The following ATE1 variants were observed in gnomAD, a reference collection of about 807,000 sequenced individuals.
ATE1 encodes arginyltransferase 1.
ATE1 carries 36 observed loss-of-function variants against 70.5 expected under a neutral mutation model. The observed-to-expected ratio is 0.51, with a 90% CI of 0.39 to 0.67. ATE1 has a LOEUF of 0.67. ATE1 is among the 30% of genes least tolerant of loss of function. ATE1 has a pLI of 0.00. For missense variants in ATE1, 593 were observed against 629.5 expected, an observed-to-expected ratio of 0.94 and a Z score of 0.62; for synonymous variants, 232 against 219.3, an observed-to-expected ratio of 1.06 and a Z score of -0.51.
intron 8 of ATE1, among the ~76,000 whole-genome samples, chr10:121,853,920 CA>C (rs1218283102): frequency 6.6e-6 from 1 of 152,204 alleles, no homozygotes; most frequent in Non-Finnish European, 1.5e-5. Flanking sequence ...TAGCTCCCTT[CA>C]ACCACTTTTA....
intron 7 of ATE1, among the ~76,000 whole-genome samples, chr10:121,874,026 C>CT (rs1564916045): frequency 1.3e-5 from 2 of 152,106 alleles, no homozygotes; most frequent in Non-Finnish European, 2.9e-5. Flanking sequence ...ATTTCCTGGG[C>CT]TTTTCACTTA....
chr10:121,921,696 C>A (rs374838362), intron 3 of ATE1, among the ~76,000 whole-genome samples: 3 of 152,214 alleles, frequency 2.0e-5, no homozygotes, highest in Non-Finnish European at 4.4e-5. Flanking sequence ...TGCTTGGCAA[C>A]GGTCATGTGC....
At chr10:121,793,906 G>A (rs1946552452) in intron 10 of ATE1, among the ~76,000 whole-genome samples, 1 of 152,170 alleles carries the variant, frequency 6.6e-6, no homozygotes, top group South Asian at 2.1e-4. Context: ...GGTTATGAAA[G>A]CATACTTTCA....
At chr10:121,799,758 A>G (rs1465768195) in intron 10 of ATE1, among the ~76,000 whole-genome samples, 1 of 152,254 alleles carries the variant, frequency 6.6e-6, no homozygotes, top group Admixed American at 6.5e-5. Flanking sequence ...CTGGAGAAAT[A>G]TTATAAAACT....
intron 10 of ATE1, among the ~76,000 whole-genome samples, chr10:121,810,676 T>C (rs7913185): frequency 0.73 from 111,596 of 152,042 alleles, 41,447 homozygotes; most frequent in Non-Finnish European, 0.78. Flanking sequence ...TCTCTCCATT[T>C]AGTATATAAC....
chr10:121,755,886 G>A (rs972194891), intron 11 of ATE1, among the ~76,000 whole-genome samples: 10 of 152,060 alleles, frequency 6.6e-5, no homozygotes, highest in Middle Eastern at 6.3e-3. Flanking sequence ...ATATCATTCC[G>A]CCTCTGGCTT....
intron 8 of ATE1, among the ~76,000 whole-genome samples, chr10:121,866,945 C>T (rs895853872): frequency 2.6e-5 from 4 of 151,868 alleles, no homozygotes; most frequent in South Asian, 2.1e-4. Flanking sequence ...TGAGAGCATC[C>T]GAAGATTACA....
chr10:121,892,466 G>C (rs1950611416), intron 7 of ATE1, among the ~76,000 whole-genome samples: 2 of 151,886 alleles, frequency 1.3e-5, no homozygotes, highest in African/African-American at 4.8e-5. Context: ...AGAGATACGG[G>C]GAAGTTTGGG....
rs369462212 is a variant in ATE1 at position 121,803,484 on chromosome 10, T to C, written c.1258-13195A>G. On this transcript the variant is annotated intron_variant, in intron 10 of 11. Transcript: ENST00000224652. ...TTCCCAACCTAAAATCAGAAATAAGTATGAACACCTAAATTGTGTCAGCAA... is the reference window on the plus strand; with the variant it reads ...TTCCCAACCTAAAATCAGAAATAAGCATGAACACCTAAATTGTGTCAGCAA... Among the ~76,000 whole-genome samples the C allele has an allele frequency of 1.5e-3, 236 of 152,352 alleles. 2 individuals are homozygous for C. Among genetic ancestry groups the C allele is most frequent in the African/African-American group, 5.2e-3 (218 of 41,588 alleles).
In ATE1 at chr10:121,817,117, G is replaced by A. The variant is rs373577948; in HGVS notation, c.1257+19601C>T. Among the ~76,000 whole-genome samples the A allele has an allele frequency of 3.9e-5, 6 of 152,176 alleles. No homozygotes were observed. In the East Asian group the frequency reaches 5.8e-4, roughly 15 times the overall value. On this transcript the variant is annotated intron_variant, in intron 10 of 11. Transcript: ENST00000224652. ...CTATCCTGTAGAAGTGTCAAACAATGCCACTTTATTTGATGTAGATATGCA... is the reference window on the plus strand; with the variant it reads ...CTATCCTGTAGAAGTGTCAAACAATACCACTTTATTTGATGTAGATATGCA...
rs1283136513 is a variant in ATE1, at chr10:121,743,197, G to T, written c.*483C>A. On this transcript the variant is annotated 3_prime_UTR_variant, in exon 12 of 12. Coordinates refer to ENST00000224652, the MANE Select transcript of ATE1 (RefSeq NM_001001976.3). ...TCACATTGAACACTGAGTTGTAACA[G>T]CACAGTTTTGTTCTTGAGAAGACAT... is the stretch of plus-strand genomic sequence containing the variant. The T allele has an allele frequency of 6.5e-6, 1 of 152,952 alleles. No individual in the cohort carries two copies. The highest frequency in any genetic ancestry group is 1.5e-5 in the Non-Finnish European group (1 of 68,576). 9.5% of individuals were successfully genotyped at this position (152,952 alleles called of 1,614,324 possible).
chr10:121,796,734 A>G lies in ATE1; in HGVS notation c.1258-6445T>C, dbSNP rs183706417. 5.5e-3 allele frequency among the ~76,000 whole-genome samples: 834 copies of G among 152,344 alleles called. 6 individuals carry two copies. The highest frequency in any genetic ancestry group is 8.8e-3 in the Non-Finnish European group (601 of 68,018). On this transcript the variant is annotated intron_variant, in intron 10 of 11. Transcript: ENST00000224652. ...GAAATGCCAAAGTTAAATCTAAAAC[A>G]TTGAAAGGAGAAGAAAAACACCCTA...
intron 11 of ATE1, among the ~76,000 whole-genome samples, 186 bp from the exon 12 acceptor site, chr10:121,744,044 T>C (rs1944246641): frequency 7.0e-6 from 1 of 143,272 alleles, no homozygotes; most frequent in Non-Finnish European, 1.5e-5. Context: ...TGCCTCAGCC[T>C]CCCAAGTAGC....
intron 7 of ATE1, among the ~76,000 whole-genome samples, chr10:121,875,587 G>A (rs1365356224): frequency 6.6e-6 from 1 of 152,252 alleles, no homozygotes; most frequent in Non-Finnish European, 1.5e-5. Flanking sequence ...TTACAGGCGT[G>A]AGCCACCGCG....
chr10:121,836,873 A>C (rs1948453160), intron 9 of ATE1, 56 bp from the exon 10 acceptor site: 1 of 1,063,498 alleles, frequency 9.4e-7, no homozygotes, highest in Non-Finnish European at 1.4e-6. Flanking sequence ...CTAATGTACA[A>C]ATATCTGTGT....
At chr10:121,925,650 G>C (rs1427936100) in intron 1 of ATE1, among the ~76,000 whole-genome samples, 1 of 151,956 alleles carries the variant, frequency 6.6e-6, no homozygotes, top group Non-Finnish European at 1.5e-5. Flanking sequence ...CAACATGGAA[G>C]ATCACTTGAG....
At position 121,911,135 on chromosome 10, in the gene ATE1, G is replaced by C. The variant is rs1214339715; in HGVS notation, c.354C>G (p.Ser118=). The C allele has an allele frequency of 1.2e-6, 2 of 1,607,336 alleles. No individual in the cohort carries two copies. Among genetic ancestry groups the C allele is most frequent in the African/African-American group, 2.7e-5 (2 of 74,416 alleles). Reference sequence around the variant, plus strand: ...CACCCGCAACAGCATCATCCATTGTGGAATCCATGGGCTCATCTACAAATC... The same window carrying C: ...CACCCGCAACAGCATCATCCATTGTCGAATCCATGGGCTCATCTACAAATC... ...KGSCEDEPMD[S]TMDDAVAGDF... Residue 118 remains serine, a synonymous_variant, in exon 5 of 12, where the codon TCC becomes TCG. Coordinates refer to ENST00000224652, the MANE Select transcript of ATE1 (RefSeq NM_001001976.3).
At chr10:121,794,814 G>T (rs576981833) in intron 10 of ATE1, among the ~76,000 whole-genome samples, 1 of 152,268 alleles carries the variant, frequency 6.6e-6, no homozygotes, top group South Asian at 2.1e-4. Context: ...GGAGATGGGG[G>T]TGATCGGACA....
intron 5 of ATE1, 89 bp from the exon 6 acceptor site, chr10:121,902,709 A>G (rs1038150310): frequency 7.8e-7 from 1 of 1,287,284 alleles, no homozygotes; most frequent in East Asian, 2.5e-5. Flanking sequence ...GTGTAAGTCC[A>G]AAGAGTTTCA....
Sources: allele counts gnomAD v4.1 joint callset (sites outside exome capture counted in the v4.1 genomes callset), GRCh38; gene constraint gnomAD v4.1.1; transcripts MANE v1.5; gene names NCBI Gene and HGNC (gene_info 2026-07-23, HGNC 2026-07-21).